Variants in EP400 observed in about 807,000 individuals in gnomAD.
EP400 encodes E1A-binding protein p400.
A neutral mutation model predicts 354.1 loss-of-function variants in EP400; 105 were observed. The ratio of observed to expected loss-of-function variants is 0.30; its 90% CI spans 0.25 to 0.35. EP400 has a LOEUF of 0.35. Ranked by LOEUF, EP400 falls within the 10% of genes least tolerant of loss-of-function variation. The pLI is 1.00. For missense variants in EP400, 3,280 were observed against 4,121.0 expected (o/e 0.80, Z 5.59); for synonymous variants, 1,646 against 1,716.9 (o/e 0.96, Z 1.02).
Position 132,013,145 on chromosome 12 carries a change from A to G in EP400, c.3578A>G (p.Glu1193Gly). 6.2e-7 allele frequency: 1 copy of G among 1,614,022 alleles called. No homozygotes were observed. The highest frequency in any genetic ancestry group is 8.5e-7 in the Non-Finnish European group (1 of 1,179,924). ...DEMQRVKGMT[E>G]RHWEAVFTLQ... ...ATGCAGCGCGTGAAGGGCATGACCG[A>G]GAGGCACTGGGAAGCGGTTTTCACC... is the stretch of plus-strand genomic sequence containing the variant. Residue 1193 changes from glutamate to glycine, a missense_variant, in exon 17 of 53, where the codon GAG (glutamate) becomes GGG (glycine). Physicochemically the swap from Glu to Gly is moderately conservative, Grantham distance 98 (BLOSUM62 -2). Transcript: ENST00000389561. This position sits in a 1 kb window ranked among gnomAD's most constrained non-coding sequence, Gnocchi z 4.5.
chr12:132,060,595 A>G (rs944941074), intron 45 of EP400, among the ~76,000 whole-genome samples: 1 of 152,152 alleles, frequency 6.6e-6, no homozygotes. Flanking sequence ...CTGCCAGCCT[A>G]GGGCTCTGCA....
In EP400 at chr12:132,006,140, G is replaced by T; in HGVS notation, c.2964G>T (p.Glu988Asp). Reference sequence around the variant, plus strand: ...CAGATGACTGTCCAGGCGACAGGGAGAGTCGCAAGGACTTGGTTCTCATCG... The same window carrying T: ...CAGATGACTGTCCAGGCGACAGGGATAGTCGCAAGGACTTGGTTCTCATCG... ...EDADDCPGDRESRKDLVLIDS... is the reference protein window; with the variant it reads ...EDADDCPGDRDSRKDLVLIDS... The change falls in exon 14 of 53, where the codon GAG becomes GAT. Residue 988 changes from glutamate to aspartate, a missense_variant. Transcript: ENST00000389561. 6.2e-7 allele frequency: 1 copy of T among 1,614,200 alleles called. No homozygotes were observed. The highest frequency in any genetic ancestry group is 1.1e-5 in the South Asian group (1 of 91,080).
At chr12:131,959,426 T>C (rs1891805091) in intron 1 of EP400, among the ~76,000 whole-genome samples, 2 of 152,154 alleles carry the variant, frequency 1.3e-5, no homozygotes, top group South Asian at 4.2e-4. Flanking sequence ...CTTTCCCCTG[T>C]AGATACTGGA....
Position 132,067,621 on chromosome 12 carries a change from T to C in EP400, c.8874+135T>C, listed in dbSNP as rs1593387929. The C allele has an allele frequency of 8.7e-6, 11 of 1,262,138 alleles. No homozygotes were observed. Among genetic ancestry groups the C allele is most frequent in the Non-Finnish European group, 1.2e-5 (11 of 922,190 alleles). The allele number at this position is 1,262,138 out of a possible 1,614,324, so 78.2% of individuals were successfully genotyped here. A position where few individuals can be genotyped will look rare whatever the true frequency, so the allele number is the denominator to read the frequency against. ...AGAGGGTGGCTTCAAGGGCTGGAGG[T>C]GCTAGTGTGGTCATCCCTGTTGGTT... On this transcript the variant is annotated intron_variant, in intron 50 of 52. Coordinates refer to ENST00000389561, the MANE Select transcript of EP400 (RefSeq NM_015409.5). The surrounding 1 kb of genome is among the most constrained non-coding windows in gnomAD (Gnocchi z 5.3).
At chr12:132,012,378 G>A (rs138060988) in intron 16 of EP400, among the ~76,000 whole-genome samples, 4 of 152,166 alleles carry the variant, frequency 2.6e-5, no homozygotes, top group East Asian at 1.9e-4. Context: ...CCTGGTTTCC[G>A]CTTCCCAGAT....
intron 1 of EP400, among the ~76,000 whole-genome samples, chr12:131,956,841 T>G (rs941481617): frequency 6.6e-6 from 1 of 151,890 alleles, no homozygotes; most frequent in Admixed American, 6.6e-5. Flanking sequence ...AAGTACATGC[T>G]TTTCTCCTTT....
intron 24 of EP400, among the ~76,000 whole-genome samples, chr12:132,024,237 G>T (rs1593354750): frequency 6.6e-6 from 1 of 152,292 alleles, no homozygotes; most frequent in East Asian, 1.9e-4. Flanking sequence ...GCCAGGCGTG[G>T]TGGTGCTCTC....
chr12:132,069,764 G>C, intron 51 of EP400, 123 bp downstream of exon 51: 1 of 1,413,080 alleles, frequency 7.1e-7, no homozygotes, highest in Non-Finnish European at 9.6e-7. Flanking sequence ...GCACTGGAGG[G>C]AAGTGTTGTC....
chr12:131,972,557 A>G (rs1421828780), intron 2 of EP400, among the ~76,000 whole-genome samples: 4 of 152,134 alleles, frequency 2.6e-5, no homozygotes, highest in South Asian at 2.1e-4. Context: ...TTCTGTTTCG[A>G]AAAGATTTTT....
At chr12:132,030,497 T>G (rs911321731) in intron 29 of EP400, among the ~76,000 whole-genome samples, 3 of 152,204 alleles carry the variant, frequency 2.0e-5, no homozygotes, top group African/African-American at 7.2e-5. Flanking sequence ...TAGGGTAATA[T>G]GCCCATTGTT....
At chr12:132,063,100 C>T (rs557966618) in intron 47 of EP400, among the ~76,000 whole-genome samples, 14 of 152,232 alleles carry the variant, frequency 9.2e-5, no homozygotes, top group Admixed American at 2.0e-4. Flanking sequence ...GGGTTTGTTT[C>T]GATGTGGTTC....
rs1593343274 is a variant in EP400 at position 132,008,994 on chromosome 12, G to A, written c.3304+2117G>A. On this transcript the variant is annotated intron_variant, in intron 15 of 52. Coordinates refer to ENST00000389561, the MANE Select transcript of EP400 (RefSeq NM_015409.5). ...AGTGGCATGATCAGGGCTCACTACA[G>A]CCCTGACTTCCCAGGTGCAAGTGAT... Among the ~76,000 whole-genome samples the A allele has an allele frequency of 1.5e-5, 2 of 130,836 alleles. 1 individual carries two copies. Among genetic ancestry groups the A allele is most frequent in the Admixed American group, 1.6e-4 (2 of 12,420 alleles). The allele number at this position is 130,836 out of a possible 152,430, so 85.8% of individuals were successfully genotyped here.
Position 132,032,154 on chromosome 12 carries a change from G to A in EP400, c.5951+5G>A. On this transcript the variant is annotated splice_donor_5th_base_variant and intron_variant, in intron 30 of 52. Coordinates refer to ENST00000389561, the MANE Select transcript of EP400 (RefSeq NM_015409.5). Reference sequence around the variant, plus strand: ...CAAAGACATCCACATATACAGGTGAGGGCCTGCGGGGGATAGGATCAGGAG... The same window carrying A: ...CAAAGACATCCACATATACAGGTGAAGGCCTGCGGGGGATAGGATCAGGAG... 6.2e-7 allele frequency: 1 copy of A among 1,609,528 alleles called. No individual in the cohort carries two copies. The highest frequency in any genetic ancestry group is 8.5e-7 in the Non-Finnish European group (1 of 1,176,948).
chr12:131,982,062 CAG>C (rs748991281), intron 4 of EP400, 29 bp from the exon 5 acceptor site: 1 of 1,500,752 alleles, frequency 6.7e-7, no homozygotes, highest in South Asian at 1.3e-5. Flanking sequence ...ACTTGGGAAT[CAG>C]TGCTTTTGGC....
intron 1 of EP400, among the ~76,000 whole-genome samples, chr12:131,952,308 A>T (rs1265292088): frequency 6.9e-6 from 1 of 145,506 alleles, no homozygotes. Flanking sequence ...GTCTCAAAAA[A>T]AAAAAAAAAA....
chr12:131,988,795 AG>A (rs932182026), intron 7 of EP400, among the ~76,000 whole-genome samples: 7 of 151,910 alleles, frequency 4.6e-5, no homozygotes, highest in Non-Finnish European at 5.9e-5. Flanking sequence ...CTTGGGCCCT[AG>A]GGTCTTTGTT....
intron 2 of EP400, among the ~76,000 whole-genome samples, chr12:131,967,006 C>T (rs532195990): frequency 1.3e-5 from 2 of 150,724 alleles, no homozygotes; most frequent in East Asian, 2.0e-4. Context: ...TCCTGGAGTT[C>T]GAGGGTGCAG....
rs776166187 is a variant in EP400, at chr12:131,960,859, C to T, written c.240C>T (p.Gly80=). The T allele has an allele frequency of 4.3e-6, 7 of 1,613,896 alleles. No homozygotes were observed. The highest frequency in any genetic ancestry group is 5.9e-6 in the Non-Finnish European group (7 of 1,180,040). Residue 80 remains glycine (G), a synonymous_variant, in exon 2 of 53, where the codon GGC becomes GGT. Coordinates refer to ENST00000389561, the MANE Select transcript of EP400 (RefSeq NM_015409.5). Reference sequence around the variant, plus strand: ...TGAACATCACCCTGCAGAGCGTGGGCCCTGTCGTCGGGGGAAACCAGCAGA... The same window carrying T: ...TGAACATCACCCTGCAGAGCGTGGGTCCTGTCGTCGGGGGAAACCAGCAGA... ...QNVNITLQSV[G]PVVGGNQQIT...
rs773647081 is a variant in EP400 at position 132,013,861 on chromosome 12, C to T, written c.3871C>T (p.Arg1291Cys). The change falls in exon 19 of 53, where the codon CGC becomes TGC. Residue 1291 changes from arginine (R) to cysteine (C), a missense_variant. Arg to Cys is a radical substitution (Grantham distance 180). Transcript: ENST00000389561. The surrounding 1 kb of genome is among the most constrained non-coding windows in gnomAD (Gnocchi z 4.5). Reference sequence around the variant, plus strand: ...GAAATATGAGCATGTTTTGAAGTGTCGCCTTTCTAACCGACAAAAAGCCTT... The same window carrying T: ...GAAATATGAGCATGTTTTGAAGTGTTGCCTTTCTAACCGACAAAAAGCCTT... ...TKKYEHVLKCRLSNRQKALYE... is the reference protein window; with the variant it reads ...TKKYEHVLKCCLSNRQKALYE... 5 of 1,614,104 alleles carry T rather than the reference C, an allele frequency of 3.1e-6. No individual in the cohort carries two copies. The highest frequency in any genetic ancestry group is 2.2e-5 in the East Asian group (1 of 44,898).
Sources: allele counts gnomAD v4.1 joint callset (sites outside exome capture counted in the v4.1 genomes callset), GRCh38; gene constraint gnomAD v4.1.1; non-coding constraint Gnocchi (gnomAD v3.1); transcripts MANE v1.5; gene names NCBI Gene and HGNC (gene_info 2026-07-23, HGNC 2026-07-21).